The following SMOC1 variants were observed in gnomAD, a reference collection of about 807,000 sequenced individuals.
SMOC1 encodes the protein SPARC related modular calcium binding 1.
Under a neutral mutation model 56.3 loss-of-function variants are expected in SMOC1, and 22 were observed. The ratio of observed to expected loss-of-function variants is 0.39; its 90% CI spans 0.28 to 0.56. SMOC1 has a LOEUF of 0.56. Ranked by LOEUF, SMOC1 falls within the 20% of genes least tolerant of loss-of-function variation. The pLI is 0.61. For missense variants in SMOC1, 509 were observed against 565.4 expected, an observed-to-expected ratio of 0.90 and a Z score of 1.01; for synonymous variants, 193 against 215.0, an observed-to-expected ratio of 0.90 and a Z score of 0.89.
At chr14:70,023,074 T>G (rs763263039) in intron 10 of SMOC1, 129 bp from the exon 11 acceptor site, 1 of 1,422,930 alleles carries the variant, frequency 7.0e-7, no homozygotes. Flanking sequence ...GCTGAGCCGC[T>G]GTGGGTGGAC....
intron 1 of SMOC1, among the ~76,000 whole-genome samples, chr14:69,881,198 T>C (rs181663704): frequency 6.6e-6 from 1 of 152,298 alleles, no homozygotes; most frequent in Admixed American, 6.5e-5. Context: ...GCCTTTTAAA[T>C]GAAGCTGCTT....
chr14:69,918,690 G>C (rs1264886217), intron 1 of SMOC1, among the ~76,000 whole-genome samples: 1 of 152,154 alleles, frequency 6.6e-6, no homozygotes, highest in African/African-American at 2.4e-5. Flanking sequence ...TCACAGGACT[G>C]TTTTAAGGTT....
intron 4 of SMOC1, 77 bp downstream of exon 4, chr14:69,975,891 G>A: frequency 2.0e-6 from 2 of 1,004,856 alleles, no homozygotes; most frequent in East Asian, 2.4e-5. Flanking sequence ...TCTTGTGGGA[G>A]AACCTTTAGA....
At chr14:69,960,463 T>C (rs1481827480) in intron 3 of SMOC1, among the ~76,000 whole-genome samples, 1 of 152,182 alleles carries the variant, frequency 6.6e-6, no homozygotes, top group East Asian at 1.9e-4. Context: ...TTTTGGTCTG[T>C]GGACAATGCC....
chr14:69,907,557 C>T (rs1884443448), intron 1 of SMOC1, among the ~76,000 whole-genome samples: 1 of 152,092 alleles, frequency 6.6e-6, no homozygotes, highest in South Asian at 2.1e-4. Context: ...AAGGTGTGGG[C>T]CCAGAATTTA....
chr14:70,013,314 G>T, intron 9 of SMOC1, 72 bp from the exon 10 acceptor site: 1 of 1,344,448 alleles, frequency 7.4e-7, no homozygotes, highest in South Asian at 1.2e-5. Flanking sequence ...TTTAGGAAAG[G>T]ATGGTAGTTG....
Position 69,953,511 on chromosome 14 carries a change from C to G in SMOC1, c.357C>G (p.Gly119=), listed in dbSNP as rs1360054345. The G allele has an allele frequency of 2.5e-6, 4 of 1,614,184 alleles. No homozygotes were observed. Among genetic ancestry groups the G allele is most frequent in the African/African-American group, 1.3e-5 (1 of 75,060 alleles). ...PQEAVFVPEC[G]EDGSFTQVQC... ...AAGCTGTGTTTGTCCCAGAGTGTGG[C>G]GAGGATGGCTCCTTTACCCAGGTGA... The change falls in exon 3 of 12, where the codon GGC becomes GGG. Residue 119 remains glycine (G), a synonymous_variant. Coordinates refer to ENST00000361956, the MANE Select transcript of SMOC1 (RefSeq NM_001034852.3).
At chr14:69,984,783 G>T (rs1884306992) in intron 5 of SMOC1, among the ~76,000 whole-genome samples, 1 of 152,038 alleles carries the variant, frequency 6.6e-6, no homozygotes, top group Admixed American at 6.5e-5. Flanking sequence ...CTTGAACCCA[G>T]GAGGTGGAGG....
chr14:69,955,880 C>A (rs1457645808), intron 3 of SMOC1, among the ~76,000 whole-genome samples: 1 of 152,196 alleles, frequency 6.6e-6, no homozygotes, highest in Non-Finnish European at 1.5e-5. Flanking sequence ...TAGTTTGGGG[C>A]TGAGACAGGG....
intron 1 of SMOC1, among the ~76,000 whole-genome samples, chr14:69,916,167 T>C (rs1218702381): frequency 6.6e-6 from 1 of 152,218 alleles, no homozygotes; most frequent in Non-Finnish European, 1.5e-5. Context: ...ACTCAATAAA[T>C]GACAGCTCCA....
intron 10 of SMOC1, among the ~76,000 whole-genome samples, chr14:70,014,955 C>T (rs965325740): frequency 2.6e-5 from 4 of 152,124 alleles, no homozygotes; most frequent in African/African-American, 2.4e-5. Flanking sequence ...GTGGAGCTGT[C>T]GACGTTTCTG....
chr14:69,958,321 C>G (rs1055138736), intron 3 of SMOC1, among the ~76,000 whole-genome samples: 1 of 152,100 alleles, frequency 6.6e-6, no homozygotes, highest in African/African-American at 2.4e-5. Context: ...TTAGCCTTAA[C>G]AACAAAGAGC....
intron 1 of SMOC1, among the ~76,000 whole-genome samples, chr14:69,898,409 A>G (rs1317612563): frequency 6.6e-6 from 1 of 150,764 alleles, no homozygotes; most frequent in Admixed American, 6.6e-5. Flanking sequence ...TAGTATTCCC[A>G]TTATACATGT....
intron 7 of SMOC1, among the ~76,000 whole-genome samples, chr14:70,006,805 T>G (rs781781152): frequency 6.6e-5 from 10 of 152,164 alleles, no homozygotes; most frequent in Non-Finnish European, 1.2e-4. Context: ...CTGCTCCCCT[T>G]TCCTCACTGT....
At chr14:69,947,819 T>C (rs1447333971) in intron 1 of SMOC1, among the ~76,000 whole-genome samples, 2 of 152,246 alleles carry the variant, frequency 1.3e-5, no homozygotes, top group Non-Finnish European at 2.9e-5. Flanking sequence ...CACATGTAGT[T>C]TGTGGCTGCT....
intron 1 of SMOC1, among the ~76,000 whole-genome samples, chr14:69,932,860 TCA>T (rs1885203168): frequency 6.6e-6 from 1 of 152,068 alleles, no homozygotes; most frequent in African/African-American, 2.4e-5. Flanking sequence ...AGTTCTTCTG[TCA>T]CCTTCTGTAA....
chr14:69,992,589 C>A (rs1594843480), intron 6 of SMOC1, 116 bp downstream of exon 6: 1 of 873,250 alleles, frequency 1.1e-6, no homozygotes. Flanking sequence ...TTTTTAATTT[C>A]AATTTTTCCC....
At chr14:69,920,949 C>G (rs1003958417) in intron 1 of SMOC1, among the ~76,000 whole-genome samples, 2 of 152,124 alleles carry the variant, frequency 1.3e-5, no homozygotes, top group South Asian at 2.1e-4. Flanking sequence ...GATGGGGAAC[C>G]CTGCTCTGTG....
chr14:69,943,015 G>A (rs11623388), intron 1 of SMOC1, among the ~76,000 whole-genome samples: 3,543 of 152,234 alleles, frequency 0.023, 53 homozygotes, highest in Non-Finnish European at 0.026. Flanking sequence ...TGGTGGTGGG[G>A]GGCACAGTGG....
Sources: gnomAD v4.1 joint callset for allele counts (sites outside exome capture counted in the v4.1 genomes callset) on GRCh38, gnomAD v4.1.1 for gene constraint, MANE v1.5 for transcripts, NCBI Gene and HGNC (gene_info 2026-07-23, HGNC 2026-07-21) for gene names.